Variants in GALNT13 observed in about 807,000 individuals in gnomAD.
GALNT13 encodes the protein UDP-GalNAc:polypeptide N-acetylgalactosaminyltransferase 13.
A neutral mutation model predicts 64.2 loss-of-function variants in GALNT13; 28 were observed. The ratio of observed to expected loss-of-function variants is 0.44; its 90% CI spans 0.32 to 0.60. GALNT13 has a LOEUF of 0.60. Among genes scored for constraint, GALNT13 ranks in the 20% least tolerant of loss-of-function variants. The pLI, the probability that GALNT13 is intolerant of heterozygous loss-of-function variation, is 0.05. For synonymous variants in GALNT13, 214 were observed against 224.6 expected, an observed-to-expected ratio of 0.95 and a Z score of 0.42; for missense variants, 577 against 669.8, an observed-to-expected ratio of 0.86 and a Z score of 1.53.
intron 3 of GALNT13, among the ~76,000 whole-genome samples, chr2:154,072,358 A>C: frequency 6.6e-6 from 1 of 152,110 alleles, no homozygotes; most frequent in East Asian, 1.9e-4. Context: ...GGCTGTGAAA[A>C]ACATTTTTAA....
chr2:153,133,212 T>C, the GALNT13 span, among the ~76,000 whole-genome samples: 1 of 152,136 alleles, frequency 6.6e-6, no homozygotes, highest in African/African-American at 2.4e-5. Context: ...CATGCTGATT[T>C]GACCGTGGAG....
At chr2:153,731,021 C>A in the GALNT13 span, among the ~76,000 whole-genome samples, 1 of 151,580 alleles carries the variant, frequency 6.6e-6, no homozygotes, top group Non-Finnish European at 1.5e-5. Context: ...ATGAAGTCAA[C>A]CCAGATGTCC....
intron 9 of GALNT13, among the ~76,000 whole-genome samples, chr2:154,358,436 T>C (rs1219980471): frequency 3.3e-5 from 5 of 152,094 alleles, no homozygotes; most frequent in African/African-American, 9.7e-5. Flanking sequence ...AAACCAACTT[T>C]ATATGCATTT....
At chr2:154,122,306 A>C (rs1445739261) in intron 3 of GALNT13, among the ~76,000 whole-genome samples, 1 of 151,920 alleles carries the variant, frequency 6.6e-6, no homozygotes, top group Non-Finnish European at 1.5e-5. Context: ...TTTTTATTCA[A>C]ATTGGGTTTA....
chr2:154,074,913 A>G (rs527514894), intron 3 of GALNT13, among the ~76,000 whole-genome samples: 2 of 152,102 alleles, frequency 1.3e-5, no homozygotes, highest in South Asian at 4.1e-4. Context: ...AAATAATAAG[A>G]GCCATCTATG....
chr2:154,323,855 CT>C (rs1207824612), intron 9 of GALNT13, among the ~76,000 whole-genome samples: 1 of 152,042 alleles, frequency 6.6e-6, no homozygotes, highest in Non-Finnish European at 1.5e-5. Context: ...AGGAGGATTT[CT>C]TTCTATGAGC....
intron 4 of GALNT13, chr2:154,236,203 A>T: frequency 9.8e-7 from 1 of 1,016,586 alleles, no homozygotes; most frequent in African/African-American, 1.7e-5. Flanking sequence ...CTTTTATAAG[A>T]TATAAACACA....
At chr2:154,114,093 A>T (rs914450270) in intron 3 of GALNT13, among the ~76,000 whole-genome samples, 1 of 152,030 alleles carries the variant, frequency 6.6e-6, no homozygotes, top group Non-Finnish European at 1.5e-5. Context: ...GGGAATCACC[A>T]CTCCTGCATC....
chr2:154,322,516 A>G (rs1391384782), intron 9 of GALNT13, among the ~76,000 whole-genome samples: 2 of 152,118 alleles, frequency 1.3e-5, no homozygotes, highest in African/African-American at 4.8e-5. Context: ...TGTAAACTAC[A>G]TATCAGTGGC....
intron 9 of GALNT13, among the ~76,000 whole-genome samples, chr2:154,370,704 A>G (rs981258549): frequency 1.3e-5 from 2 of 152,116 alleles, no homozygotes; most frequent in African/African-American, 4.8e-5. Flanking sequence ...TAGATATTCA[A>G]GTGTAGGTGT....
intron 9 of GALNT13, among the ~76,000 whole-genome samples, chr2:154,361,098 C>T (rs1697042443): frequency 6.6e-6 from 1 of 152,018 alleles, no homozygotes; most frequent in African/African-American, 2.4e-5. Flanking sequence ...AATTTCTCTA[C>T]ATATTTTTCA....
Position 153,977,183 on chromosome 2 carries a change from AG to A in GALNT13, c.142+32547del, listed in dbSNP as rs984640767. ...TTTCCATCAACTGCCTCTCAAGGAA[AG>A]GGTACTACTGACTTATTCAAAGCAT... is the stretch of plus-strand genomic sequence containing the variant. On this transcript the variant is annotated intron_variant, in intron 3 of 12. Coordinates refer to ENST00000392825, the MANE Select transcript of GALNT13 (RefSeq NM_052917.4). Among the ~76,000 whole-genome samples the A allele has an allele frequency of 1.5e-4, 23 of 152,268 alleles. No homozygotes were observed. The South Asian group carries it at 4.6e-3, about 30-fold the overall frequency.
the GALNT13 span, among the ~76,000 whole-genome samples, chr2:153,726,567 C>T: frequency 6.6e-6 from 1 of 152,138 alleles, no homozygotes; most frequent in Non-Finnish European, 1.5e-5. Context: ...TGCTTATTTT[C>T]CACATAAGAA....
chr2:153,724,456 G>T, the GALNT13 span, among the ~76,000 whole-genome samples: 525 of 108,258 alleles, frequency 4.8e-3, 8 homozygotes, highest in African/African-American at 0.024. Flanking sequence ...TTGACAAATG[G>T]GATCTAATTA....
chr2:153,329,121 C>A, the GALNT13 span, among the ~76,000 whole-genome samples: 1 of 152,018 alleles, frequency 6.6e-6, no homozygotes, highest in African/African-American at 2.4e-5. Flanking sequence ...TGCTTGCCTT[C>A]CATGGGCTGC....
chr2:154,338,472 T>C (rs1695574035), intron 9 of GALNT13, among the ~76,000 whole-genome samples: 1 of 152,090 alleles, frequency 6.6e-6, no homozygotes, highest in South Asian at 2.1e-4. Flanking sequence ...GATGGCCAGA[T>C]AGGCAGACAT....
intron 3 of GALNT13, among the ~76,000 whole-genome samples, 174 bp from the exon 4 acceptor site, chr2:154,140,163 G>C (rs13428363): frequency 0.2 from 30,888 of 151,940 alleles, 4,029 homozygotes; most frequent in Middle Eastern, 0.32. Flanking sequence ...ACGCAGAATT[G>C]ATGTTTTTCT....
the GALNT13 span, among the ~76,000 whole-genome samples, chr2:153,403,776 C>T: frequency 1.3e-5 from 2 of 152,170 alleles, no homozygotes; most frequent in African/African-American, 2.4e-5. Flanking sequence ...AATGCCTTGC[C>T]CTGCTTCGGC....
chr2:153,689,802 A>G, the GALNT13 span, among the ~76,000 whole-genome samples: 3 of 152,070 alleles, frequency 2.0e-5, no homozygotes, highest in South Asian at 6.2e-4. Context: ...GTTTGCTTAG[A>G]TGTGTGTTGT....
Sources: allele counts gnomAD v4.1 joint callset (sites outside exome capture counted in the v4.1 genomes callset), GRCh38; gene constraint gnomAD v4.1.1; transcripts MANE v1.5; gene names NCBI Gene and HGNC (gene_info 2026-07-23, HGNC 2026-07-21).